The following SV2C variants were observed in gnomAD, a reference collection of about 807,000 sequenced individuals.
SV2C encodes synaptic vesicle glycoprotein 2C.
Under a neutral mutation model 79.7 loss-of-function variants are expected in SV2C, and 49 were observed. The observed-to-expected ratio is 0.61, with a 90% CI of 0.49 to 0.78. SV2C has a LOEUF of 0.78. SV2C is among the 30% of genes least tolerant of loss of function. The pLI is 0.00. For synonymous variants in SV2C, 334 were observed against 333.2 expected, an observed-to-expected ratio of 1.00 and a Z score of -0.03; for missense variants, 833 against 912.9, an observed-to-expected ratio of 0.91 and a Z score of 1.13.
Position 76,127,185 on chromosome 5 carries a change from G to A in SV2C, c.-101-4465G>A, listed in dbSNP as rs192629066. ...TGAGGAGTAAAGCAAAGGGAAGACTGCATGTTTGGGCGGTGTGGGGAAACA... is the reference window on the plus strand; with the variant it reads ...TGAGGAGTAAAGCAAAGGGAAGACTACATGTTTGGGCGGTGTGGGGAAACA... On this transcript the variant is annotated intron_variant, in intron 1 of 12. Coordinates refer to ENST00000502798, the MANE Select transcript of SV2C (RefSeq NM_014979.4). 2.0e-4 allele frequency among the ~76,000 whole-genome samples: 31 copies of A among 152,318 alleles called. 1 individual carries two copies. Among genetic ancestry groups the A allele is most frequent in the Admixed American group, 1.9e-3 (29 of 15,300 alleles).
Position 76,131,635 on chromosome 5 carries a change from T to C in SV2C, c.-101-15T>C. The C allele has an allele frequency of 1.4e-6, 1 of 714,036 alleles. No individual in the cohort carries two copies. The highest frequency in any genetic ancestry group is 2.9e-5 in the South Asian group (1 of 34,800). 44.2% of individuals were successfully genotyped at this position (714,036 alleles called of 1,614,324 possible). A position where few individuals can be genotyped will look rare whatever the true frequency, so the allele number is the denominator to read the frequency against. ...AAAGGAATAATAAGTATCTCCTCTATTTCTTCTTTCGCAGTTCTGTTTTGA... is the reference window on the plus strand; with the variant it reads ...AAAGGAATAATAAGTATCTCCTCTACTTCTTCTTTCGCAGTTCTGTTTTGA... On this transcript the variant is annotated splice_polypyrimidine_tract_variant and intron_variant, in intron 1 of 12. Coordinates refer to ENST00000502798, the MANE Select transcript of SV2C (RefSeq NM_014979.4).
intron 2 of SV2C, among the ~76,000 whole-genome samples, chr5:76,145,543 A>C (rs1443433507): frequency 2.6e-5 from 4 of 152,192 alleles, no homozygotes. Flanking sequence ...CCAAAGTGAG[A>C]ATGAAGTCTG....
chr5:76,131,816 G>A lies in SV2C; in HGVS notation c.66G>A (p.Val22=), dbSNP rs376993317. ...GTGCCAAGGACATTGCCAGAGAGGT[G>A]AAGAAACAAACAGTAAAGAAGGTGA... ...MKGAKDIARE[V]KKQTVKKVNQ... The change falls in exon 2 of 13, where the codon GTG becomes GTA. Residue 22 remains valine (V), a synonymous_variant. Coordinates refer to ENST00000502798, the MANE Select transcript of SV2C (RefSeq NM_014979.4). 237 of 1,614,042 alleles carry A rather than the reference G, an allele frequency of 1.5e-4. 3 individuals carry two copies. In the African/African-American group the frequency reaches 2.4e-3, roughly 17 times the overall value.
the SV2C span, among the ~76,000 whole-genome samples, chr5:75,984,551 ATC>A: frequency 8.6e-6 from 1 of 115,684 alleles, no homozygotes; most frequent in African/African-American, 3.7e-5. Flanking sequence ...CTATCTATCT[ATC>A]TATCTATCTA....
chr5:76,073,519 A>G, the SV2C span, among the ~76,000 whole-genome samples: 3 of 119,412 alleles, frequency 2.5e-5, no homozygotes, highest in Admixed American at 7.8e-5. Context: ...ATATATATAT[A>G]TATATATATA....
chr5:76,066,622 A>G, the SV2C span, among the ~76,000 whole-genome samples: 5 of 151,818 alleles, frequency 3.3e-5, no homozygotes, highest in African/African-American at 7.3e-5. Context: ...AAGAAGAAGA[A>G]AAAAAAAGAA....
At chr5:76,160,261 A>G (rs1742860261) in intron 2 of SV2C, among the ~76,000 whole-genome samples, 1 of 152,172 alleles carries the variant, frequency 6.6e-6, no homozygotes, top group Non-Finnish European at 1.5e-5. Flanking sequence ...AAGGGACCCA[A>G]AATAGCCAAA....
chr5:76,245,999 C>A (rs1470765938), intron 4 of SV2C, among the ~76,000 whole-genome samples: 1 of 148,916 alleles, frequency 6.7e-6, no homozygotes, highest in Non-Finnish European at 1.5e-5. Flanking sequence ...GGTTTTTTTT[C>A]CAGCATATAG....
chr5:75,883,865 A>C, the SV2C span, among the ~76,000 whole-genome samples: 25 of 150,822 alleles, frequency 1.7e-4, no homozygotes, highest in East Asian at 7.8e-4. Context: ...CAAAAAAAAA[A>C]CATTTCTTTC....
chr5:76,113,234 T>C (rs776976952), intron 1 of SV2C, among the ~76,000 whole-genome samples: 5 of 152,244 alleles, frequency 3.3e-5, no homozygotes, highest in African/African-American at 9.6e-5. Context: ...CATAATATCA[T>C]AATACCATGT....
rs1269558371 is a variant in SV2C, at chr5:76,325,706, C to A, written c.*159C>A. 2 of 1,050,262 alleles carry A rather than the reference C, an allele frequency of 1.9e-6. No homozygotes were observed. Among genetic ancestry groups the A allele is most frequent in the Non-Finnish European group, 2.6e-6 (2 of 755,044 alleles). 65.1% of individuals were successfully genotyped at this position (1,050,262 alleles called of 1,614,324 possible). A position where few individuals can be genotyped will look rare whatever the true frequency, so the allele number is the denominator to read the frequency against. On this transcript the variant is annotated 3_prime_UTR_variant, in exon 13 of 13. Coordinates refer to ENST00000502798, the MANE Select transcript of SV2C (RefSeq NM_014979.4). ...AAAATTTAGAAGCATATCATCTTGC[C>A]CCTTTGTGATTTTGCACAGGTTGTT...
At chr5:76,295,534 A>G (rs2112512890) in intron 8 of SV2C, among the ~76,000 whole-genome samples, 2 of 152,260 alleles carry the variant, frequency 1.3e-5, no homozygotes, top group Middle Eastern at 6.8e-3. Context: ...TTCCCAAAGG[A>G]AGGGTTTAGG....
At chr5:76,310,000 C>A (rs1007366453) in intron 12 of SV2C, among the ~76,000 whole-genome samples, 2 of 151,470 alleles carry the variant, frequency 1.3e-5, no homozygotes, top group African/African-American at 2.4e-5. Context: ...TGTTTGGATG[C>A]CAGAAAGATA....
intron 4 of SV2C, among the ~76,000 whole-genome samples, chr5:76,256,614 C>G (rs966881328): frequency 2.0e-5 from 3 of 152,198 alleles, no homozygotes; most frequent in Non-Finnish European, 2.9e-5. Context: ...TAAATTCAGT[C>G]TATCAGAGGG....
rs539301627 is a variant in SV2C, at chr5:76,305,578, C to T, written c.2000+4033C>T. Among the ~76,000 whole-genome samples, 4 of 152,172 alleles carry T rather than the reference C, an allele frequency of 2.6e-5. No homozygotes were observed. The East Asian group carries it at 7.7e-4, about 29-fold the overall frequency. On this transcript the variant is annotated intron_variant, in intron 12 of 12. Transcript: ENST00000502798. ...TCACTCTTCCTTATCTTGATTTGCC[C>T]CCTCTTATGCCCATTTTATTAATTT...
At chr5:75,950,135 C>T in the SV2C span, among the ~76,000 whole-genome samples, 4 of 152,006 alleles carry the variant, frequency 2.6e-5, no homozygotes, top group South Asian at 2.1e-4. Flanking sequence ...TGTGTTTATA[C>T]GCATTGCAAA....
At chr5:76,053,704 G>A in the SV2C span, among the ~76,000 whole-genome samples, 26 of 152,230 alleles carry the variant, frequency 1.7e-4, no homozygotes, top group Admixed American at 1.1e-3. Flanking sequence ...TTCCTTAATA[G>A]CAGTTCTCTG....
At chr5:76,279,415 G>A (rs1275650949) in intron 4 of SV2C, among the ~76,000 whole-genome samples, 1 of 152,222 alleles carries the variant, frequency 6.6e-6, no homozygotes, top group Admixed American at 6.5e-5. Context: ...GCCAACCTTT[G>A]GGGGCCAGTC....
chr5:75,950,225 G>A, the SV2C span, among the ~76,000 whole-genome samples: 1 of 152,006 alleles, frequency 6.6e-6, no homozygotes, highest in Non-Finnish European at 1.5e-5. Flanking sequence ...TGGACCTAGT[G>A]TTTCAAGGAG....
Sources: gnomAD v4.1 joint callset for allele counts (sites outside exome capture counted in the v4.1 genomes callset) on GRCh38, gnomAD v4.1.1 for gene constraint, MANE v1.5 for transcripts, NCBI Gene and HGNC (gene_info 2026-07-23, HGNC 2026-07-21) for gene names.